The following VAMP7 variants were observed in gnomAD, a reference collection of about 807,000 sequenced individuals.
VAMP7 encodes the protein vesicle-associated membrane protein 7.
VAMP7 carries 14 observed loss-of-function variants against 29.6 expected under a neutral mutation model. The ratio of observed to expected loss-of-function variants is 0.47; its 90% CI spans 0.31 to 0.74. The LOEUF is 0.74. Among genes scored for constraint, VAMP7 ranks in the 30% least tolerant of loss-of-function variants. The probability of loss-of-function intolerance (pLI) is 0.05; values close to 1 mark genes in which losing one functional copy is unlikely to be tolerated. For missense variants in VAMP7, 223 were observed against 262.4 expected, an observed-to-expected ratio of 0.85 and a Z score of 1.04; for synonymous variants, 95 against 88.1, an observed-to-expected ratio of 1.08 and a Z score of -0.44.
At position 155,931,237 on chromosome X, in the gene VAMP7, G is replaced by A. The variant is rs371552165; in HGVS notation, c.502-8464G>A. ...TTGGGTATATACCCAGTAATGGGAT[G>A]GCTGGGTCAAATGGTATTTCTACTT... On this transcript the variant is annotated intron_variant, in intron 6 of 7. Coordinates refer to ENST00000286448, the MANE Select transcript of VAMP7 (RefSeq NM_005638.6). Among the ~76,000 whole-genome samples, 15 of 152,264 alleles carry A rather than the reference G, an allele frequency of 9.9e-5. 1 individual carries two copies. The East Asian group carries it at 2.5e-3, about 25-fold the overall frequency.
intron 1 of VAMP7, among the ~76,000 whole-genome samples, chrX:155,883,249 C>T (rs1382397005): frequency 2.6e-5 from 4 of 152,106 alleles, no homozygotes; most frequent in African/African-American, 9.7e-5. Context: ...GGCCATCAGC[C>T]GTATTCCTCA....
intron 6 of VAMP7, among the ~76,000 whole-genome samples, chrX:155,923,772 C>T (rs773152742): frequency 1.7e-4 from 26 of 152,168 alleles, no homozygotes; most frequent in Non-Finnish European, 2.8e-4. Flanking sequence ...CCACTTGAAG[C>T]TGTCCCACAA....
At chrX:155,887,952 A>AAT (rs1192283258) in intron 1 of VAMP7, among the ~76,000 whole-genome samples, 1 of 151,686 alleles carries the variant, frequency 6.6e-6, no homozygotes, top group Non-Finnish European at 1.5e-5. Context: ...AAAAAAAAAA[A>AAT]AGAAAAGAAA....
At chrX:155,882,857 A>T (rs2065819677) in intron 1 of VAMP7, among the ~76,000 whole-genome samples, 1 of 152,232 alleles carries the variant, frequency 6.6e-6, no homozygotes, top group Non-Finnish European at 1.5e-5. Context: ...AATAGGGTAA[A>T]ATAGACACTT....
At chrX:155,919,943 A>G in intron 6 of VAMP7, 63 bp downstream of exon 6, 6 of 1,292,892 alleles carry the variant, frequency 4.6e-6, no homozygotes, top group Non-Finnish European at 6.6e-6. Flanking sequence ...GATGATGGCT[A>G]ACATAATTGG....
At chrX:155,909,178 A>AT (rs1200413380) in intron 5 of VAMP7, among the ~76,000 whole-genome samples, 9 of 151,976 alleles carry the variant, frequency 5.9e-5, no homozygotes, top group African/African-American at 1.7e-4. Context: ...AGCTATTCAG[A>AT]TTTTTTATTT....
chrX:155,906,967 C>T (rs931699009), intron 5 of VAMP7, among the ~76,000 whole-genome samples: 56 of 152,082 alleles, frequency 3.7e-4, no homozygotes, highest in African/African-American at 1.3e-3. Flanking sequence ...TGTCCTTTAT[C>T]AGGTTGAGGA....
intron 7 of VAMP7, among the ~76,000 whole-genome samples, chrX:155,940,971 C>G (rs1282042333): frequency 3.4e-4 from 51 of 152,020 alleles, no homozygotes; most frequent in Non-Finnish European, 1.5e-5. Flanking sequence ...TCCAAGCTTG[C>G]AAATAATGAA....
At chrX:155,933,002 C>A (rs905543990) in intron 6 of VAMP7, among the ~76,000 whole-genome samples, 1 of 152,098 alleles carries the variant, frequency 6.6e-6, no homozygotes, top group Non-Finnish European at 1.5e-5. Flanking sequence ...TGCTGGATTA[C>A]ATTTATTGAT....
At chrX:155,931,659 G>A (rs2066558443) in intron 6 of VAMP7, among the ~76,000 whole-genome samples, 1 of 152,216 alleles carries the variant, frequency 6.6e-6, no homozygotes, top group African/African-American at 2.4e-5. Context: ...CCACTCTGTA[G>A]GTTGCCTGTT....
intron 6 of VAMP7, among the ~76,000 whole-genome samples, chrX:155,920,168 C>T (rs2066374749): frequency 6.6e-6 from 1 of 152,150 alleles, no homozygotes; most frequent in Admixed American, 6.5e-5. Flanking sequence ...AGCACCTCAA[C>T]TGCATGTAAC....
intron 6 of VAMP7, among the ~76,000 whole-genome samples, chrX:155,923,373 TG>T (rs2066422176): frequency 1.3e-5 from 2 of 151,808 alleles, no homozygotes; most frequent in African/African-American, 4.8e-5. Context: ...GTAGGTCTAC[TG>T]GAAATGAATT....
chrX:155,938,907 T>C (rs1403199941), intron 6 of VAMP7, among the ~76,000 whole-genome samples: 2 of 152,244 alleles, frequency 1.3e-5, no homozygotes, highest in Non-Finnish European at 2.9e-5. Context: ...TGGTAAATTG[T>C]ATAAATGTAG....
At chrX:155,895,526 A>G in intron 2 of VAMP7, 97 bp from the exon 3 acceptor site, 1 of 797,618 alleles carries the variant, frequency 1.3e-6, no homozygotes, top group Non-Finnish European at 2.1e-6. Flanking sequence ...ATATGGTGAC[A>G]TTGGCAGTAC....
chrX:155,932,308 A>G (rs754683240), intron 6 of VAMP7, among the ~76,000 whole-genome samples: 1 of 152,230 alleles, frequency 6.6e-6, no homozygotes, highest in Admixed American at 6.5e-5. Flanking sequence ...CAGTATGGCC[A>G]TTTTCATGAT....
rs533869581 is a variant in VAMP7, at chrX:155,930,601, G to A, written c.502-9100G>A. 1.1e-4 allele frequency among the ~76,000 whole-genome samples: 17 copies of A among 150,986 alleles called. No individual in the cohort carries two copies. In the South Asian group the frequency reaches 3.3e-3, roughly 30 times the overall value. ...GGAATTCAGAGCTGCAGAGAGCTAT[G>A]ATCACACCACTGCATTCCAGGCTGG... On this transcript the variant is annotated intron_variant, in intron 6 of 7. Transcript: ENST00000286448.
At chrX:155,923,427 T>A (rs1240059375) in intron 6 of VAMP7, among the ~76,000 whole-genome samples, 1 of 137,988 alleles carries the variant, frequency 7.2e-6, no homozygotes, top group Admixed American at 7.0e-5. Flanking sequence ...TTTCACTTCC[T>A]TTTTTTTTTT....
chrX:155,929,230 T>G (rs181287629), intron 6 of VAMP7, among the ~76,000 whole-genome samples: 2 of 152,300 alleles, frequency 1.3e-5, no homozygotes, highest in Admixed American at 1.3e-4. Context: ...GAGCATAGAT[T>G]CAAGTTGCTC....
intron 6 of VAMP7, among the ~76,000 whole-genome samples, chrX:155,921,309 A>AT (rs201284119): frequency 0.62 from 93,777 of 151,746 alleles, 29,170 homozygotes; most frequent in African/African-American, 0.69. Context: ...TAGCTCAATT[A>AT]TTTTTTATAT....
Sources: allele counts gnomAD v4.1 joint callset (sites outside exome capture counted in the v4.1 genomes callset), GRCh38; gene constraint gnomAD v4.1.1; transcripts MANE v1.5; gene names NCBI Gene and HGNC (gene_info 2026-07-23, HGNC 2026-07-21).